Variants in FAM227B observed in about 807,000 individuals in gnomAD.
FAM227B encodes the protein family with sequence similarity 227 member B.
In FAM227B, 88 loss-of-function variants were observed where a neutral mutation model predicts 73.8. The ratio of observed to expected loss-of-function variants is 1.19; its 90% CI spans 1.00 to 1.42. The LOEUF is 1.42. Among genes scored for constraint, FAM227B ranks in the 40% most tolerant of loss-of-function variants. The pLI is 0.00. For synonymous variants in FAM227B, 210 were observed against 190.5 expected (o/e 1.10, Z -0.84); for missense variants, 632 against 590.9 (o/e 1.07, Z -0.72).
chr15:49,498,343 AG>A (rs1032393869), intron 11 of FAM227B, among the ~76,000 whole-genome samples: 1 of 152,220 alleles, frequency 6.6e-6, no homozygotes, highest in Admixed American at 6.5e-5. Flanking sequence ...TGATAATAAA[AG>A]TCACCTGTCA....
chr15:49,459,011 TA>T (rs2151918464), intron 11 of FAM227B, among the ~76,000 whole-genome samples: 1 of 152,294 alleles, frequency 6.6e-6, no homozygotes, highest in Admixed American at 6.5e-5. Context: ...TCATTTCTAT[TA>T]AAAAACACAC....
intron 11 of FAM227B, among the ~76,000 whole-genome samples, chr15:49,450,114 A>C (rs1368235061): frequency 6.6e-6 from 1 of 152,162 alleles, no homozygotes; most frequent in Non-Finnish European, 1.5e-5. Flanking sequence ...TTGTGGAATA[A>C]ACATGCCTTC....
chr15:49,595,100 C>T (rs533423752), intron 3 of FAM227B, among the ~76,000 whole-genome samples: 1 of 152,042 alleles, frequency 6.6e-6, no homozygotes, highest in East Asian at 1.9e-4. Context: ...TGATTTCTTT[C>T]AGTAGTGTTT....
chr15:49,425,704 G>A (rs2050065763), intron 11 of FAM227B, among the ~76,000 whole-genome samples: 1 of 151,914 alleles, frequency 6.6e-6, no homozygotes, highest in East Asian at 1.9e-4. Context: ...GGGAATTTCA[G>A]AGAATTATGT....
chr15:49,383,120 T>G (rs1031825633), intron 11 of FAM227B, among the ~76,000 whole-genome samples: 7 of 152,062 alleles, frequency 4.6e-5, no homozygotes, highest in African/African-American at 1.7e-4. Context: ...ATTGGAAAAT[T>G]AAATCTGGAT....
At chr15:49,551,849 A>T (rs565757792) in intron 9 of FAM227B, among the ~76,000 whole-genome samples, 1 of 152,000 alleles carries the variant, frequency 6.6e-6, no homozygotes, top group African/African-American at 2.4e-5. Flanking sequence ...TACTATTTCC[A>T]TAAACAAACT....
At chr15:49,393,488 G>A (rs933221727) in intron 11 of FAM227B, among the ~76,000 whole-genome samples, 5 of 151,852 alleles carry the variant, frequency 3.3e-5, no homozygotes, top group Admixed American at 3.3e-4. Context: ...TAAATTATAG[G>A]CTCTCAAATT....
chr15:49,437,809 C>T (rs75548893), intron 11 of FAM227B, among the ~76,000 whole-genome samples: 3,339 of 151,618 alleles, frequency 0.022, 61 homozygotes, highest in Non-Finnish European at 0.032. Context: ...GATACCAACA[C>T]CAAAGAGTCA....
chr15:49,463,094 T>C (rs927772511), intron 11 of FAM227B, among the ~76,000 whole-genome samples: 1 of 152,214 alleles, frequency 6.6e-6, no homozygotes, highest in Non-Finnish European at 1.5e-5. Context: ...GTTCACTCTC[T>C]CCCAATCCTG....
chr15:49,460,187 T>A (rs1297978685), intron 11 of FAM227B, among the ~76,000 whole-genome samples: 1 of 152,100 alleles, frequency 6.6e-6, no homozygotes, highest in African/African-American at 2.4e-5. Context: ...TTTTTCCTAG[T>A]ACCTGCCAAA....
chr15:49,414,633 A>T lies in FAM227B; in HGVS notation c.1013-43234T>A, dbSNP rs2049090677. Among the ~76,000 whole-genome samples, 3 of 152,142 alleles carry T rather than the reference A, an allele frequency of 2.0e-5. 1 individual carries two copies. In the South Asian group the frequency reaches 6.2e-4, roughly 32 times the overall value. On this transcript the variant is annotated intron_variant, in intron 11 of 15. Coordinates refer to ENST00000299338, the MANE Select transcript of FAM227B (RefSeq NM_152647.3). Reference sequence around the variant, plus strand: ...AATCTCATAACAACATTTAAAATGGATTGGAGATTGGGGAGAGAAGATACA... The same window carrying T: ...AATCTCATAACAACATTTAAAATGGTTTGGAGATTGGGGAGAGAAGATACA...
chr15:49,539,012 C>CT (rs2070680631), intron 10 of FAM227B, among the ~76,000 whole-genome samples: 1 of 151,994 alleles, frequency 6.6e-6, no homozygotes, highest in Admixed American at 6.6e-5. Context: ...TTCCTTGTTT[C>CT]TTTTTGCCTT....
intron 9 of FAM227B, among the ~76,000 whole-genome samples, chr15:49,558,696 T>A (rs1308715660): frequency 6.6e-6 from 1 of 152,164 alleles, no homozygotes; most frequent in Non-Finnish European, 1.5e-5. Flanking sequence ...CTCTTCATCA[T>A]AACCAGCACT....
At chr15:49,592,663 C>T (rs1317194117) in intron 3 of FAM227B, among the ~76,000 whole-genome samples, 1 of 152,232 alleles carries the variant, frequency 6.6e-6, no homozygotes, top group Non-Finnish European at 1.5e-5. Context: ...CTTGAGGAGG[C>T]AGTCTGTCCA....
chr15:49,411,923 CT>C (rs2048896982), intron 11 of FAM227B, among the ~76,000 whole-genome samples: 2 of 152,192 alleles, frequency 1.3e-5, no homozygotes, highest in South Asian at 4.1e-4. Flanking sequence ...TTTCAAACAT[CT>C]TTCAGTACTT....
At chr15:49,409,451 T>C (rs2048732120) in intron 11 of FAM227B, among the ~76,000 whole-genome samples, 1 of 151,616 alleles carries the variant, frequency 6.6e-6, no homozygotes, top group African/African-American at 2.4e-5. Context: ...ATCTGGAAAA[T>C]GAGGATAAAG....
intron 11 of FAM227B, among the ~76,000 whole-genome samples, chr15:49,378,173 G>A (rs2046293253): frequency 6.6e-6 from 1 of 152,042 alleles, no homozygotes; most frequent in Non-Finnish European, 1.5e-5. Context: ...CACTGTAGGT[G>A]TGTGGGTTTG....
chr15:49,476,215 TTGTTTTTTTGTTTTTGG>T lies in FAM227B; in HGVS notation c.1012+31979_1012+31995del, dbSNP rs1211635423. 9.4e-5 allele frequency among the ~76,000 whole-genome samples: 12 copies of T among 128,270 alleles called. 2 individuals carry two copies. Among genetic ancestry groups the T allele is most frequent in the Non-Finnish European group, 2.0e-4 (12 of 59,692 alleles). The allele number at this position is 128,270 out of a possible 152,430, so 84.2% of individuals were successfully genotyped here. A position where few individuals can be genotyped will look rare whatever the true frequency, so the allele number is the denominator to read the frequency against. The stretch of plus-strand genomic sequence containing the variant: ...CTGAATTCCTATTTATTTTGCTGTT[TTGTTTTTTTGTTTTTGG>T]TTTTTTTTTTTTTGCATTTGGCATA... On this transcript the variant is annotated intron_variant, in intron 11 of 15. Coordinates refer to ENST00000299338, the MANE Select transcript of FAM227B (RefSeq NM_152647.3).
intron 13 of FAM227B, among the ~76,000 whole-genome samples, chr15:49,354,937 C>T (rs1596451531): frequency 6.6e-6 from 1 of 151,994 alleles, no homozygotes; most frequent in Non-Finnish European, 1.5e-5. Flanking sequence ...TGACCCCTGA[C>T]CCTCGAGCAG....
Sources: gnomAD v4.1 joint callset for allele counts (sites outside exome capture counted in the v4.1 genomes callset) on GRCh38, gnomAD v4.1.1 for gene constraint, MANE v1.5 for transcripts, NCBI Gene and HGNC (gene_info 2026-07-23, HGNC 2026-07-21) for gene names.